CSMD1: variants seen among roughly 807,000 people sequenced by gnomAD.
The protein encoded by CSMD1 is CUB and sushi domain-containing protein 1.
A neutral mutation model predicts 417.5 loss-of-function variants in CSMD1; 213 were observed. The observed-to-expected ratio is 0.51, with a 90% confidence interval of 0.46 to 0.57. CSMD1 has a LOEUF of 0.57. CSMD1 is among the 20% of genes least tolerant of loss of function. CSMD1 has a pLI of 0.00. For synonymous variants in CSMD1, 2,862 were observed against 1,736.8 expected, an observed-to-expected ratio of 1.65 and a Z score of -16.11; for missense variants, 6,923 against 4,529.7, an observed-to-expected ratio of 1.53 and a Z score of -15.17.
At position 4,261,937 on chromosome 8, in the gene CSMD1, C is replaced by T. The variant is rs145897240; in HGVS notation, c.415+158016G>A. ...ATAAATAAATGCATGAATGATATGGCAATGTAACAAAACAGAAAAAAAATT... is the reference window on the plus strand; with the variant it reads ...ATAAATAAATGCATGAATGATATGGTAATGTAACAAAACAGAAAAAAAATT... On this transcript the variant is annotated intron_variant, in intron 3 of 69. Coordinates refer to ENST00000635120, the MANE Select transcript of CSMD1 (RefSeq NM_033225.6). 5.7e-3 allele frequency among the ~76,000 whole-genome samples: 871 copies of T among 152,148 alleles called. 8 individuals are homozygous for T. The highest frequency in any genetic ancestry group is 0.02 in the African/African-American group (834 of 41,494).
At chr8:3,950,051 G>C (rs904946115) in intron 5 of CSMD1, 7 of 453,368 alleles carry the variant, frequency 1.5e-5, no homozygotes, top group Non-Finnish European at 2.7e-5. Context: ...TCACGCTACA[G>C]ACAGGACTGA....
At chr8:3,818,741 G>C (rs1451670648) in intron 5 of CSMD1, among the ~76,000 whole-genome samples, 1 of 152,188 alleles carries the variant, frequency 6.6e-6, no homozygotes, top group African/African-American at 2.4e-5. Flanking sequence ...ATTTGATCAA[G>C]ATAGACAGAT....
intron 12 of CSMD1, among the ~76,000 whole-genome samples, chr8:3,414,090 G>C (rs917418143): frequency 6.1e-4 from 90 of 147,978 alleles, no homozygotes; most frequent in African/African-American, 2.1e-3. Flanking sequence ...AGTGAGCCAA[G>C]ATCGCGACAC....
At chr8:3,895,332 G>C (rs529658896) in intron 5 of CSMD1, among the ~76,000 whole-genome samples, 2 of 152,086 alleles carry the variant, frequency 1.3e-5, no homozygotes, top group African/African-American at 4.8e-5. Context: ...ATTTATGTTT[G>C]GAGTTACAAC....
At chr8:3,584,524 G>C (rs1454582326) in intron 9 of CSMD1, among the ~76,000 whole-genome samples, 1 of 136,670 alleles carries the variant, frequency 7.3e-6, no homozygotes, top group Non-Finnish European at 1.7e-5. Context: ...TTTCCTAAGT[G>C]ATAAGCACCT....
intron 5 of CSMD1, among the ~76,000 whole-genome samples, chr8:3,936,632 G>C (rs1362875883): frequency 1.3e-5 from 2 of 152,112 alleles, no homozygotes; most frequent in Non-Finnish European, 2.9e-5. Context: ...GTACTGCTCA[G>C]AAAAAGATTC....
At chr8:4,511,109 G>C (rs188132917) in intron 2 of CSMD1, among the ~76,000 whole-genome samples, 39 of 152,188 alleles carry the variant, frequency 2.6e-4, no homozygotes, top group African/African-American at 8.9e-4. Flanking sequence ...TTCCAGATGT[G>C]AACAGAATAC....
chr8:4,423,999 T>A (rs1459921665), intron 2 of CSMD1, among the ~76,000 whole-genome samples: 1 of 152,044 alleles, frequency 6.6e-6, no homozygotes, highest in Non-Finnish European at 1.5e-5. Context: ...ATCAATTGGA[T>A]GTCCATAGCA....
At chr8:4,244,358 G>C (rs1489101839) in intron 3 of CSMD1, among the ~76,000 whole-genome samples, 1 of 152,074 alleles carries the variant, frequency 6.6e-6, no homozygotes, top group African/African-American at 2.4e-5. Flanking sequence ...GATTTTAATA[G>C]GTAGAAAGAC....
chr8:2,950,184 T>A (rs1242770006), intron 67 of CSMD1, 47 bp downstream of exon 67: 1 of 1,222,296 alleles, frequency 8.2e-7, no homozygotes, highest in East Asian at 2.3e-5. Context: ...CACAGAGAGA[T>A]GATTAGAAAG....
intron 1 of CSMD1, among the ~76,000 whole-genome samples, chr8:4,950,114 TATG>T (rs1045247494): frequency 1.5e-4 from 23 of 152,044 alleles, no homozygotes; most frequent in Admixed American, 7.9e-4. Context: ...AAATGTTTCA[TATG>T]ATAAGATTTT....
chr8:3,536,208 C>T (rs1203310056), intron 10 of CSMD1, among the ~76,000 whole-genome samples: 1 of 152,200 alleles, frequency 6.6e-6, no homozygotes, highest in African/African-American at 2.4e-5. Flanking sequence ...TGTAGGTTTG[C>T]TTTTCAAGAC....
intron 3 of CSMD1, among the ~76,000 whole-genome samples, chr8:4,293,428 T>C (rs1797484311): frequency 6.6e-6 from 1 of 152,200 alleles, no homozygotes; most frequent in Non-Finnish European, 1.5e-5. Flanking sequence ...GGCTAAAAAG[T>C]GTTTTAAAAA....
intron 1 of CSMD1, among the ~76,000 whole-genome samples, chr8:4,894,437 G>A (rs1189691958): frequency 6.6e-6 from 1 of 151,166 alleles, no homozygotes; most frequent in African/African-American, 2.4e-5. Flanking sequence ...TTTGCTTTAA[G>A]AGCTGCTTGG....
chr8:3,946,838 T>A (rs1160217467), intron 5 of CSMD1, among the ~76,000 whole-genome samples: 3 of 152,200 alleles, frequency 2.0e-5, no homozygotes, highest in Admixed American at 6.5e-5. Flanking sequence ...AATGTTATAA[T>A]TTTAAAAATT....
intron 1 of CSMD1, among the ~76,000 whole-genome samples, chr8:4,775,983 C>T (rs1407641805): frequency 6.6e-6 from 1 of 152,156 alleles, no homozygotes; most frequent in African/African-American, 2.4e-5. Context: ...ACGGAGGGAA[C>T]AGCAACCTCA....
At chr8:3,784,873 C>T (rs577333897) in intron 5 of CSMD1, among the ~76,000 whole-genome samples, 1 of 152,332 alleles carries the variant, frequency 6.6e-6, no homozygotes, top group Non-Finnish European at 1.5e-5. Context: ...CTGATGTTAA[C>T]ATTTGCTTAA....
chr8:3,966,080 G>A (rs186524382), intron 5 of CSMD1, among the ~76,000 whole-genome samples: 2 of 152,272 alleles, frequency 1.3e-5, no homozygotes, highest in African/African-American at 2.4e-5. Flanking sequence ...CGAATGTCCA[G>A]GAGTAGGGAC....
intron 3 of CSMD1, among the ~76,000 whole-genome samples, chr8:4,097,635 G>T (rs995800115): frequency 6.6e-6 from 1 of 152,148 alleles, no homozygotes; most frequent in African/African-American, 2.4e-5. Flanking sequence ...GCAACATAGG[G>T]ATTCAAGTAA....
Sources: gnomAD v4.1 joint callset for allele counts (sites outside exome capture counted in the v4.1 genomes callset) on GRCh38, gnomAD v4.1.1 for gene constraint, MANE v1.5 for transcripts, NCBI Gene and HGNC (gene_info 2026-07-23, HGNC 2026-07-21) for gene names.